Variants in C19orf47 observed in about 807,000 individuals in gnomAD.
The protein encoded by C19orf47 is uncharacterized protein C19orf47.
In C19orf47, 18 loss-of-function variants were observed where a neutral mutation model predicts 32.3. That is an observed-to-expected ratio of 0.56 (90% confidence interval 0.39 to 0.83). The LOEUF (loss-of-function observed/expected upper bound fraction) is 0.83, where lower values mean the gene tolerates loss of function less well. C19orf47 is among the 40% of genes least tolerant of loss of function. The pLI is 0.00. For synonymous variants in C19orf47, 202 were observed against 211.1 expected, an observed-to-expected ratio of 0.96 and a Z score of 0.37; for missense variants, 484 against 531.6, an observed-to-expected ratio of 0.91 and a Z score of 0.88.
chr19:40,329,295 C>A (rs2077900178), intron 5 of C19orf47, among the ~76,000 whole-genome samples: 1 of 151,930 alleles, frequency 6.6e-6, no homozygotes, highest in African/African-American at 2.4e-5. Context: ...ATCACTTGAA[C>A]CCAGTTCAAG....
the C19orf47 span, among the ~76,000 whole-genome samples, chr19:40,299,764 G>A: frequency 3.3e-5 from 5 of 152,170 alleles, no homozygotes; most frequent in African/African-American, 1.2e-4. Flanking sequence ...GGTGGCTCAC[G>A]TCTGTAATCC....
At chr19:40,301,667 GA>G in the C19orf47 span, among the ~76,000 whole-genome samples, 1 of 151,304 alleles carries the variant, frequency 6.6e-6, no homozygotes, top group African/African-American at 2.4e-5. Flanking sequence ...CCAACATAGA[GA>G]AACCCATCTC....
Position 40,321,974 on chromosome 19 carries a change from G to A in C19orf47, c.1066C>T (p.Arg356Trp), listed in dbSNP as rs144463824. Residue 356 changes from arginine (R) to tryptophan (W), a missense_variant, in exon 9 of 9, where the codon CGG becomes TGG. Transcript: ENST00000683109. ...VTIKRTLVGPRGSSSSEGLGA... is the reference protein window; with the variant it reads ...VTIKRTLVGPWGSSSSEGLGA... The stretch of plus-strand genomic sequence containing the variant: ...AGGCCCTCGCTGGAGCTGCTCCCCC[G>A]GGGCCCCACCAGAGTCCTCTTAATG... The A allele has an allele frequency of 2.2e-4, 363 of 1,613,888 alleles. 3 individuals carry two copies. Among genetic ancestry groups the A allele is most frequent in the East Asian group, 8.9e-4 (40 of 44,880 alleles).
intron 2 of C19orf47, among the ~76,000 whole-genome samples, chr19:40,339,929 C>T (rs1375039669): frequency 2.0e-5 from 3 of 149,768 alleles, no homozygotes; most frequent in Non-Finnish European, 4.4e-5. Flanking sequence ...GAGCCGAGAT[C>T]GCACCACTGC....
At chr19:40,344,003 C>G (rs1339550278) in intron 1 of C19orf47, among the ~76,000 whole-genome samples, 7 of 150,306 alleles carry the variant, frequency 4.7e-5, no homozygotes, top group Admixed American at 1.3e-4. Flanking sequence ...ACCATGTTGG[C>G]CAGGCTAGTC....
rs2077693653 is a variant in C19orf47 at position 40,319,928 on chromosome 19, C to A, written c.*1954G>T. 6.5e-6 allele frequency: 1 copy of A among 154,328 alleles called. No individual in the cohort carries two copies. 9.6% of individuals were successfully genotyped at this position (154,328 alleles called of 1,614,324 possible). ...TGTCCGCCTGAGCCCCAGCGGGGAC[C>A]CTAACAGGCGCAATGCAGTCAGAAC... On this transcript the variant is annotated 3_prime_UTR_variant, in exon 9 of 9. Coordinates refer to ENST00000683109, the MANE Select transcript of C19orf47 (RefSeq NM_001256441.2).
At chr19:40,333,345 G>T (rs570085406) in intron 5 of C19orf47, among the ~76,000 whole-genome samples, 1 of 151,934 alleles carries the variant, frequency 6.6e-6, no homozygotes, top group Non-Finnish European at 1.5e-5. Context: ...GTGCTGTCTG[G>T]CTTCCTAAAT....
the C19orf47 span, among the ~76,000 whole-genome samples, chr19:40,298,500 T>G: frequency 5.3e-5 from 8 of 152,282 alleles, no homozygotes; most frequent in South Asian, 1.4e-3. Flanking sequence ...TTCTTAAAAT[T>G]TATAGAAAGA....
At chr19:40,343,010 C>G (rs2078206892) in intron 1 of C19orf47, among the ~76,000 whole-genome samples, 1 of 152,182 alleles carries the variant, frequency 6.6e-6, no homozygotes, top group Non-Finnish European at 1.5e-5. Context: ...TGGAGACTGT[C>G]TCCGTTAAAA....
At chr19:40,294,660 T>C in the C19orf47 span, among the ~76,000 whole-genome samples, 1 of 152,192 alleles carries the variant, frequency 6.6e-6, no homozygotes. Context: ...AGGTGCTCCT[T>C]GGGTCTTGTT....
intron 8 of C19orf47, among the ~76,000 whole-genome samples, chr19:40,322,782 G>A (rs1013704209): frequency 5.3e-5 from 8 of 152,218 alleles, no homozygotes; most frequent in East Asian, 3.8e-4. Flanking sequence ...GTCCTAGGCC[G>A]GCAGTGCTAG....
intron 5 of C19orf47, among the ~76,000 whole-genome samples, chr19:40,328,917 C>A (rs776238947): frequency 6.6e-6 from 1 of 152,144 alleles, no homozygotes; most frequent in African/African-American, 2.4e-5. Flanking sequence ...TAGGCGCTTC[C>A]TCAGGGTCCC....
the C19orf47 span, among the ~76,000 whole-genome samples, chr19:40,296,924 A>T: frequency 6.6e-6 from 1 of 151,974 alleles, no homozygotes; most frequent in Non-Finnish European, 1.5e-5. Context: ...AAAAAAAAAA[A>T]GATAAAAGTG....
At position 40,322,369 on chromosome 19, in the gene C19orf47, C is replaced by A; in HGVS notation, c.671G>T (p.Gly224Val). 6.3e-7 allele frequency: 1 copy of A among 1,582,332 alleles called. No individual in the cohort carries two copies. The highest frequency in any genetic ancestry group is 8.6e-7 in the Non-Finnish European group (1 of 1,161,170). Residue 224 changes from glycine to valine, a missense_variant, in exon 9 of 9, where the codon GGA becomes GTA. By Grantham distance (109) the Gly-to-Val change is moderately radical. Coordinates refer to ENST00000683109, the MANE Select transcript of C19orf47 (RefSeq NM_001256441.2). ...GGTGGCCCCCAGGCGGCTGAAGACT[C>A]CTGTGGGCTGTGGAGGTCAGAGACA... is the stretch of plus-strand genomic sequence containing the variant. ...ADTTTGSKPTGVFSRLGATPE... is the reference protein window; with the variant it reads ...ADTTTGSKPTVVFSRLGATPE...
the C19orf47 span, among the ~76,000 whole-genome samples, chr19:40,311,848 G>C: frequency 5.3e-5 from 8 of 152,082 alleles, no homozygotes. Context: ...GTAGAGACAG[G>C]GTTTCACCAT....
intron 5 of C19orf47, among the ~76,000 whole-genome samples, chr19:40,330,354 G>A (rs1346003060): frequency 2.0e-5 from 3 of 150,988 alleles, no homozygotes; most frequent in Admixed American, 6.6e-5. Flanking sequence ...TCAGCCTCCC[G>A]AGTAGCTGGG....
In C19orf47 at chr19:40,321,336, A is replaced by C. The variant is rs1279898983; in HGVS notation, c.*546T>G. ...GGTACAGGAGGGTCGGGCAGGACGC[A>C]GCGGACAGTCGGGCCTTGCCACGGG... On this transcript the variant is annotated 3_prime_UTR_variant, in exon 9 of 9. Transcript: ENST00000683109. 1.0e-6 allele frequency: 1 copy of C among 987,526 alleles called. No homozygotes were observed. The highest frequency in any genetic ancestry group is 1.2e-6 in the Non-Finnish European group (1 of 831,192). The allele number at this position is 987,526 out of a possible 1,614,324, so 61.2% of individuals were successfully genotyped here.
chr19:40,294,211 G>T, the C19orf47 span, among the ~76,000 whole-genome samples: 1 of 152,160 alleles, frequency 6.6e-6, no homozygotes, highest in Non-Finnish European at 1.5e-5. Flanking sequence ...CTCTAGGACT[G>T]CTTCAGCAGC....
chr19:40,332,437 T>C (rs1012950455), intron 5 of C19orf47: 3 of 151,988 alleles, frequency 2.0e-5, no homozygotes, highest in African/African-American at 7.2e-5. Flanking sequence ...GTGGATCACC[T>C]GAGGTGTTCA....
Sources: allele counts gnomAD v4.1 joint callset (sites outside exome capture counted in the v4.1 genomes callset), GRCh38; gene constraint gnomAD v4.1.1; transcripts MANE v1.5; gene names NCBI Gene and HGNC (gene_info 2026-07-23, HGNC 2026-07-21).